Variants in TRMT10A observed in about 807,000 individuals in gnomAD.
The protein encoded by TRMT10A is tRNA methyltransferase 10 homolog A.
In TRMT10A, 37 loss-of-function variants were observed where a neutral mutation model predicts 40.4. The observed-to-expected ratio is 0.92, with a 90% CI of 0.71 to 1.21. TRMT10A has a LOEUF of 1.21. Ranked by LOEUF, TRMT10A falls within the 50% of genes most tolerant of loss-of-function variation. The probability of loss-of-function intolerance (pLI) is 0.00; values close to 1 mark genes in which losing one functional copy is unlikely to be tolerated. For missense variants in TRMT10A, 388 were observed against 404.3 expected, an observed-to-expected ratio of 0.96 and a Z score of 0.35; for synonymous variants, 103 against 134.1, an observed-to-expected ratio of 0.77 and a Z score of 1.60.
intron 1 of TRMT10A, 59 bp from the exon 2 acceptor site, chr4:99,559,420 A>G: frequency 9.0e-7 from 1 of 1,113,170 alleles, no homozygotes; most frequent in Non-Finnish European, 1.3e-6. Flanking sequence ...CAAATAATCA[A>G]TATGATTAAA....
At chr4:99,550,509 A>G (rs1181065424) in intron 7 of TRMT10A, among the ~76,000 whole-genome samples, 1 of 152,168 alleles carries the variant, frequency 6.6e-6, no homozygotes, top group East Asian at 1.9e-4. Flanking sequence ...ATTAACAATC[A>G]TTCAATGACA....
Position 99,556,235 on chromosome 4 carries a change from G to GT in TRMT10A, c.421-16dup, listed in dbSNP as rs1201302156. On this transcript the variant is annotated splice_polypyrimidine_tract_variant and intron_variant, in intron 4 of 7. Coordinates refer to ENST00000394876, the MANE Select transcript of TRMT10A (RefSeq NM_001134665.3). The stretch of plus-strand genomic sequence containing the variant: ...GTCAAGTAAAACTGATAAAAGATTT[G>GT]TAAGTATAGAAAAAGAGAACAAATG... 1.9e-6 allele frequency: 3 copies of GT among 1,607,904 alleles called. No homozygotes were observed. The highest frequency in any genetic ancestry group is 2.6e-6 in the Non-Finnish European group (3 of 1,176,016).
At chr4:99,556,921 C>A (rs1489449384) in intron 4 of TRMT10A, among the ~76,000 whole-genome samples, 1 of 152,018 alleles carries the variant, frequency 6.6e-6, no homozygotes, top group Non-Finnish European at 1.5e-5. Context: ...CTCAGTGACC[C>A]AAAAGAAAAC....
At chr4:99,553,453 A>G (rs1377276559) in intron 6 of TRMT10A, among the ~76,000 whole-genome samples, 1 of 152,222 alleles carries the variant, frequency 6.6e-6, no homozygotes, top group African/African-American at 2.4e-5. Flanking sequence ...AGTAAAGCAT[A>G]GACAGCATTT....
At position 99,548,887 on chromosome 4, in the gene TRMT10A, ATCT is replaced by A. The variant is rs1255814110; in HGVS notation, c.*198_*200del. 2 of 495,540 alleles carry A rather than the reference ATCT, an allele frequency of 4.0e-6. No individual in the cohort carries two copies. Among genetic ancestry groups the A allele is most frequent in the South Asian group, 5.2e-5 (1 of 19,148 alleles). The allele number at this position is 495,540 out of a possible 1,614,324, so 30.7% of individuals were successfully genotyped here. ...CAAAAAAAATCACATACACATTTAA[ATCT>A]TCTTACGCAAAATCAAAAAATATTT... is the stretch of plus-strand genomic sequence containing the variant. On this transcript the variant is annotated 3_prime_UTR_variant, in exon 8 of 8. Transcript: ENST00000394876.
chr4:99,550,855 T>C (rs776150087), intron 7 of TRMT10A, 30 bp downstream of exon 7: 2 of 1,459,892 alleles, frequency 1.4e-6, no homozygotes, highest in Non-Finnish European at 1.9e-6. Context: ...TTCGCTCAGG[T>C]ATATTTTCAG....
chr4:99,558,312 CAT>C, intron 2 of TRMT10A, 101 bp from the exon 3 acceptor site: 1 of 1,077,410 alleles, frequency 9.3e-7, no homozygotes, highest in South Asian at 1.7e-5. Flanking sequence ...CAGGTTAAAT[CAT>C]ATGAAATTGT....
chr4:99,547,239 T>C lies in TRMT10A; in HGVS notation c.*1849A>G, dbSNP rs551173927. ...TAGGCTAAGGAACAGCAGGGATTGC[T>C]GGCAACCACCAAAAGCCAGGAAGAG... On this transcript the variant is annotated 3_prime_UTR_variant, in exon 8 of 8. Transcript: ENST00000394876. The C allele has an allele frequency of 6.6e-6, 1 of 152,266 alleles. No homozygotes were observed. The highest frequency in any genetic ancestry group is 1.5e-5 in the Non-Finnish European group (1 of 68,006). 9.4% of individuals were successfully genotyped at this position (152,266 alleles called of 1,614,324 possible).
At chr4:99,554,996 T>C (rs146107604) in intron 5 of TRMT10A, among the ~76,000 whole-genome samples, 8 of 152,310 alleles carry the variant, frequency 5.3e-5, no homozygotes, top group African/African-American at 1.9e-4. Context: ...TCCTAAAATG[T>C]ATAATTAATA....
intron 1 of TRMT10A, among the ~76,000 whole-genome samples, chr4:99,561,575 T>G (rs1724397988): frequency 1.3e-5 from 2 of 152,228 alleles, no homozygotes; most frequent in Admixed American, 1.3e-4. Flanking sequence ...TAACCTGATA[T>G]CTTATAAATT....
In TRMT10A at chr4:99,549,364, A is replaced by G. The variant is rs776060358; in HGVS notation, c.752-8T>C. ...CCAGAATAATTTCAAACACTGCAATAAAGACATATTCCGTACATTTCTTAG... is the reference window on the plus strand; with the variant it reads ...CCAGAATAATTTCAAACACTGCAATGAAGACATATTCCGTACATTTCTTAG... On this transcript the variant is annotated splice_region_variant and splice_polypyrimidine_tract_variant and intron_variant, in intron 7 of 7. Coordinates refer to ENST00000394876, the MANE Select transcript of TRMT10A (RefSeq NM_001134665.3). 2.5e-6 allele frequency: 4 copies of G among 1,613,498 alleles called. No individual in the cohort carries two copies. Among genetic ancestry groups the G allele is most frequent in the Non-Finnish European group, 3.4e-6 (4 of 1,179,630 alleles).
At chr4:99,552,010 T>A (rs1418401791) in intron 6 of TRMT10A, among the ~76,000 whole-genome samples, 1 of 152,090 alleles carries the variant, frequency 6.6e-6, no homozygotes, top group Non-Finnish European at 1.5e-5. Context: ...AATATTTTTG[T>A]ACAGCTGTAT....
Position 99,549,251 on chromosome 4 carries a change from T to C in TRMT10A, c.857A>G (p.Glu286Gly). 6.2e-7 allele frequency: 1 copy of C among 1,614,146 alleles called. No individual in the cohort carries two copies. The highest frequency in any genetic ancestry group is 8.5e-7 in the Non-Finnish European group (1 of 1,179,990). ...AGACTGATTGTCATGAGAAGCACTT[T>C]CACAGGCTTTGTCTGTGGGAACAGC... is the stretch of plus-strand genomic sequence containing the variant. ...KGAVPTDKAC[E>G]SASHDNQSVR... The change falls in exon 8 of 8, where the codon GAA becomes GGA. Residue 286 changes from glutamate (E) to glycine (G), a missense_variant. Transcript: ENST00000394876.
At chr4:99,562,942 C>T (rs561615174) in intron 1 of TRMT10A, among the ~76,000 whole-genome samples, 10 of 152,010 alleles carry the variant, frequency 6.6e-5, no homozygotes, top group Non-Finnish European at 7.4e-5. Context: ...CTGCCTCAGC[C>T]CCCCCAGTAG....
In TRMT10A at chr4:99,553,851, T is replaced by C. The variant is rs1724053185; in HGVS notation, c.579A>G (p.Ile193Met). 2 of 1,613,200 alleles carry C rather than the reference T, an allele frequency of 1.2e-6. No homozygotes were observed. The highest frequency in any genetic ancestry group is 1.7e-5 in the Admixed American group (1 of 59,996). The change falls in exon 6 of 8, where the codon ATA (isoleucine) becomes ATG (methionine). Residue 193 changes from isoleucine (I) to methionine (M), a missense_variant. By Grantham distance (10) the Ile-to-Met change is conservative (BLOSUM62 1). Coordinates refer to ENST00000394876, the MANE Select transcript of TRMT10A (RefSeq NM_001134665.3). Reference protein sequence around the residue: ...LIYLTSDSPNILKELDESKAY... With the variant: ...LIYLTSDSPNMLKELDESKAY... ...CCTTTGATTCATCTAATTCCTTCAGTATATTAGGTGAATCTGACGTAAGGT... is the reference window on the plus strand; with the variant it reads ...CCTTTGATTCATCTAATTCCTTCAGCATATTAGGTGAATCTGACGTAAGGT...
At chr4:99,549,602 T>A (rs572259802) in intron 7 of TRMT10A, among the ~76,000 whole-genome samples, 7 of 152,256 alleles carry the variant, frequency 4.6e-5, no homozygotes, top group African/African-American at 1.4e-4. Context: ...GTATCCCATG[T>A]CAATTATAAT....
In TRMT10A at chr4:99,557,572, TTACA is replaced by T. The variant is rs1443048291; in HGVS notation, c.349-160_349-157del. 5.0e-6 allele frequency: 3 copies of T among 597,926 alleles called. No individual in the cohort carries two copies. The African/African-American group carries it at 5.8e-5, about 11-fold the overall frequency. The allele number at this position is 597,926 out of a possible 1,614,324, so 37.0% of individuals were successfully genotyped here. On this transcript the variant is annotated intron_variant, in intron 3 of 7. Transcript: ENST00000394876. ...TTCTGATAAATGTTATTTGATTTCCTTACATACTAGCAAAATTACTGTAAGTTAA... is the reference window on the plus strand; with the variant it reads ...TTCTGATAAATGTTATTTGATTTCCTTACTAGCAAAATTACTGTAAGTTAA...
At chr4:99,563,137 A>AAG (rs915698504) in intron 1 of TRMT10A, among the ~76,000 whole-genome samples, 13 of 152,222 alleles carry the variant, frequency 8.5e-5, no homozygotes, top group African/African-American at 3.1e-4. Flanking sequence ...GCCCTTTTAA[A>AAG]AGACATGCGG....
intron 4 of TRMT10A, among the ~76,000 whole-genome samples, chr4:99,557,092 A>C (rs1724189141): frequency 6.6e-6 from 1 of 152,190 alleles, no homozygotes; most frequent in Non-Finnish European, 1.5e-5. Flanking sequence ...CCCACAATGA[A>C]GATATCAACT....
Sources: allele counts gnomAD v4.1 joint callset (sites outside exome capture counted in the v4.1 genomes callset), GRCh38; gene constraint gnomAD v4.1.1; transcripts MANE v1.5; gene names NCBI Gene and HGNC (gene_info 2026-07-23, HGNC 2026-07-21).